SH2B3: variants seen among roughly 807,000 people sequenced by gnomAD.
SH2B3 encodes SH2B adaptor protein 3, also known as SH2B adapter protein 3.
Under a neutral mutation model 51.9 loss-of-function variants are expected in SH2B3, and 43 were observed. The ratio of observed to expected loss-of-function variants is 0.83; its 90% CI spans 0.65 to 1.07. The LOEUF is 1.07. SH2B3 is among the 50% of genes least tolerant of loss of function. The pLI is 0.00. For missense variants in SH2B3, 952 were observed against 834.3 expected (o/e 1.14, Z -1.74); for synonymous variants, 396 against 376.0 (o/e 1.05, Z -0.62).
At chr12:111,424,351 A>G (rs1277008924) in intron 2 of SH2B3, among the ~76,000 whole-genome samples, 1 of 151,656 alleles carries the variant, frequency 6.6e-6, no homozygotes. Flanking sequence ...TGGCGCTGGG[A>G]GCACTCCATG....
intron 2 of SH2B3, among the ~76,000 whole-genome samples, chr12:111,419,740 G>A (rs985430003): frequency 6.6e-6 from 1 of 152,174 alleles, no homozygotes; most frequent in Non-Finnish European, 1.5e-5. Context: ...TTACGCTGCT[G>A]TGTACATTGG....
rs1243797285 is a variant in SH2B3 at position 111,442,253 on chromosome 12, C to T, written c.733-4500C>T. 2.6e-5 allele frequency among the ~76,000 whole-genome samples: 4 copies of T among 152,156 alleles called. No individual in the cohort carries two copies. The East Asian group carries it at 5.8e-4, about 22-fold the overall frequency. ...TCTCCTCCTCCAGTAAGAAGGTCAA[C>T]AGGACCTGCTTACGGGCCCCCTATT... On this transcript the variant is annotated intron_variant, in intron 2 of 7. Transcript: ENST00000341259.
At position 111,448,796 on chromosome 12, in the gene SH2B3, T is replaced by G. The variant is rs922841919; in HGVS notation, c.*494T>G. 6.4e-6 allele frequency: 1 copy of G among 156,780 alleles called. No individual in the cohort carries two copies. Among genetic ancestry groups the G allele is most frequent in the Admixed American group, 6.2e-5 (1 of 16,226 alleles). 9.7% of individuals were successfully genotyped at this position (156,780 alleles called of 1,614,324 possible). A position where few individuals can be genotyped will look rare whatever the true frequency, so the allele number is the denominator to read the frequency against. On this transcript the variant is annotated 3_prime_UTR_variant, in exon 8 of 8. Coordinates refer to ENST00000341259, the MANE Select transcript of SH2B3 (RefSeq NM_005475.3). ...CCACACCACAGATGACCACATCTAA[T>G]CCTGCTTCTACTCTCAGCTTTAGGA... is the stretch of plus-strand genomic sequence containing the variant.
At chr12:111,434,906 G>A in intron 2 of SH2B3, 1 of 1,535,672 alleles carries the variant, frequency 6.5e-7, no homozygotes, top group Non-Finnish European at 8.7e-7. Context: ...AAGGACATGG[G>A]ATTCCCGGTG....
chr12:111,421,401 C>CTTTT (rs550860498), intron 2 of SH2B3, among the ~76,000 whole-genome samples: 12 of 90,616 alleles, frequency 1.3e-4, no homozygotes, highest in African/African-American at 3.7e-4. Flanking sequence ...TAGTGTCTTC[C>CTTTT]TTTTTTTTTT....
Position 111,406,522 on chromosome 12 carries a change from G to C in SH2B3, c.-28+245G>C, listed in dbSNP as rs1407161677. Among the ~76,000 whole-genome samples the C allele has an allele frequency of 6.6e-6, 1 of 152,164 alleles. No homozygotes were observed. The highest frequency in any genetic ancestry group is 2.4e-5 in the African/African-American group (1 of 41,444). Reference sequence around the variant, plus strand: ...AGAGCGTTGGGGTAACTGAGGCCGTGGGATGGGGGAGAGGGCATCGCTGAC... The same window carrying C: ...AGAGCGTTGGGGTAACTGAGGCCGTCGGATGGGGGAGAGGGCATCGCTGAC... On this transcript the variant is annotated intron_variant, in intron 1 of 7. Coordinates refer to ENST00000341259, the MANE Select transcript of SH2B3 (RefSeq NM_005475.3). The surrounding 1 kb of genome is among the most constrained non-coding windows in gnomAD (Gnocchi z 5.7).
At chr12:111,447,904 G>A (rs1874193907) in intron 7 of SH2B3, 77 bp downstream of exon 7, 1 of 1,554,756 alleles carries the variant, frequency 6.4e-7, no homozygotes, top group Non-Finnish European at 8.8e-7. Flanking sequence ...AGACCCAGGG[G>A]TACAGGTATC....
In SH2B3 at chr12:111,438,404, T is replaced by C. The variant is rs1392607443; in HGVS notation, c.733-8349T>C. The stretch of plus-strand genomic sequence containing the variant: ...CTGCCTTTCAGCCTGCCCTCTTCCC[T>C]GGCCAGCTGGAGGGGCCTTGGGAGG... On this transcript the variant is annotated intron_variant, in intron 2 of 7. Transcript: ENST00000341259. The surrounding 1 kb of genome is among the most constrained non-coding windows in gnomAD (Gnocchi z 4.2). Among the ~76,000 whole-genome samples, 1 of 152,040 alleles carries C rather than the reference T, an allele frequency of 6.6e-6. No individual in the cohort carries two copies. The highest frequency in any genetic ancestry group is 1.5e-5 in the Non-Finnish European group (1 of 67,956).
intron 4 of SH2B3, 26 bp downstream of exon 4, chr12:111,447,059 G>C: frequency 1.2e-6 from 2 of 1,610,794 alleles, no homozygotes; most frequent in East Asian, 4.5e-5. Context: ...CTCGTCCCTG[G>C]CACCACCTTT....
At position 111,447,971 on chromosome 12, in the gene SH2B3, C is replaced by A; in HGVS notation, c.1409-12C>A. The A allele has an allele frequency of 6.3e-7, 1 of 1,594,212 alleles. No homozygotes were observed. Among genetic ancestry groups the A allele is most frequent in the South Asian group, 1.1e-5 (1 of 88,330 alleles). ...GACTGATGGTGTGGTCTCTCTTGGT[C>A]ACTTGTCCTAGGTTCCTGCAACACG... On this transcript the variant is annotated splice_polypyrimidine_tract_variant and intron_variant, in intron 7 of 7. Coordinates refer to ENST00000341259, the MANE Select transcript of SH2B3 (RefSeq NM_005475.3).
rs771709844 is a variant in SH2B3, at chr12:111,435,110, C to T, written c.733-11643C>T. 7 of 1,099,676 alleles carry T rather than the reference C, an allele frequency of 6.4e-6. No homozygotes were observed. The highest frequency in any genetic ancestry group is 5.2e-5 in the East Asian group (2 of 38,430). 68.1% of individuals were successfully genotyped at this position (1,099,676 alleles called of 1,614,324 possible). A position where few individuals can be genotyped will look rare whatever the true frequency, so the allele number is the denominator to read the frequency against. On this transcript the variant is annotated intron_variant, in intron 2 of 7. Transcript: ENST00000341259. This position sits in a 1 kb window ranked among gnomAD's most constrained non-coding sequence, Gnocchi z 4.8. ...TCTCCTCTGGTGCACTCTCCCCACCCGAGACGGGCGACAGAGGTTTTTTGT... is the reference window on the plus strand; with the variant it reads ...TCTCCTCTGGTGCACTCTCCCCACCTGAGACGGGCGACAGAGGTTTTTTGT...
chr12:111,438,968 T>TTTTG lies in SH2B3; in HGVS notation c.733-7768_733-7765dup, dbSNP rs531285039. ...ATGAGGACCACAGGGGAGTTTTTGTTTTTGTTTGTTTGTTTGTTTGAGACA... is the reference window on the plus strand; with the variant it reads ...ATGAGGACCACAGGGGAGTTTTTGTTTTTGTTTGTTTGTTTGTTTGTTTGAGACA... On this transcript the variant is annotated intron_variant, in intron 2 of 7. Transcript: ENST00000341259. The surrounding 1 kb of genome is among the most constrained non-coding windows in gnomAD (Gnocchi z 4.2). Among the ~76,000 whole-genome samples, 61 of 152,102 alleles carry TTTTG rather than the reference T, an allele frequency of 4.0e-4. No homozygotes were observed. Among genetic ancestry groups the TTTTG allele is most frequent in the Admixed American group, 2.6e-3 (39 of 15,272 alleles).
At chr12:111,431,545 C>T (rs1872494648) in intron 2 of SH2B3, among the ~76,000 whole-genome samples, 1 of 151,036 alleles carries the variant, frequency 6.6e-6, no homozygotes, top group Non-Finnish European at 1.5e-5. Flanking sequence ...CCAGAGAGAA[C>T]CAGCATTTCC....
At position 111,447,742 on chromosome 12, in the gene SH2B3, C is replaced by T. The variant is rs1158774660; in HGVS notation, c.1323C>T (p.Phe441=). ...FPSVVDMLHH[F]QRSPIPLECG... ...CGGTCGTGGACATGCTCCACCACTT[C>T]CAGCGCTCGCCCATCCCACTCGAGT... Residue 441 remains phenylalanine (F), a synonymous_variant, in exon 7 of 8, where the codon TTC becomes TTT. Coordinates refer to ENST00000341259, the MANE Select transcript of SH2B3 (RefSeq NM_005475.3). The T allele has an allele frequency of 6.2e-7, 1 of 1,614,028 alleles. No individual in the cohort carries two copies. Among genetic ancestry groups the T allele is most frequent in the African/African-American group, 1.3e-5 (1 of 74,938 alleles).
chr12:111,442,782 GCT>G (rs1472194013), intron 2 of SH2B3, among the ~76,000 whole-genome samples: 1 of 152,226 alleles, frequency 6.6e-6, no homozygotes, highest in Non-Finnish European at 1.5e-5. Context: ...GCCTCTTCCT[GCT>G]CTCTCACCAG....
rs1420086510 is a variant in SH2B3, at chr12:111,418,479, G to A, written c.334G>A (p.Ala112Thr). ...ASPEPGPGPA[A>T]PGLPKARSSE... ...CCCGGAGCCAGGCCCCGGCCCCGCCGCCCCTGGCCTGCCCAAGGCCCGCAG... is the reference window on the plus strand; with the variant it reads ...CCCGGAGCCAGGCCCCGGCCCCGCCACCCCTGGCCTGCCCAAGGCCCGCAG... The change falls in exon 2 of 8, where the codon GCC becomes ACC. Residue 112 changes from alanine (A) to threonine (T), a missense_variant. Coordinates refer to ENST00000341259, the MANE Select transcript of SH2B3 (RefSeq NM_005475.3). This position sits in a 1 kb window ranked among gnomAD's most constrained non-coding sequence, Gnocchi z 6.7. 14 of 1,352,838 alleles carry A rather than the reference G, an allele frequency of 1.0e-5. No homozygotes were observed. In the Admixed American group the frequency reaches 4.3e-4, roughly 42 times the overall value. 83.8% of individuals were successfully genotyped at this position (1,352,838 alleles called of 1,614,324 possible).
At chr12:111,440,748 G>T (rs913961817) in intron 2 of SH2B3, among the ~76,000 whole-genome samples, 1 of 152,214 alleles carries the variant, frequency 6.6e-6, no homozygotes, top group Non-Finnish European at 1.5e-5. Flanking sequence ...GGCCAAGACC[G>T]AAAGATGGAA....
At chr12:111,434,902 A>G in intron 2 of SH2B3, 2 of 1,535,674 alleles carry the variant, frequency 1.3e-6, no homozygotes, top group South Asian at 1.2e-5. Context: ...TCAGAAGGAC[A>G]TGGGATTCCC....
At chr12:111,412,485 G>C (rs1048208619) in intron 1 of SH2B3, among the ~76,000 whole-genome samples, 1 of 152,216 alleles carries the variant, frequency 6.6e-6, no homozygotes, top group Non-Finnish European at 1.5e-5. Context: ...GCCTGACTCC[G>C]AGGCTGGAGC....
Sources: allele counts gnomAD v4.1 joint callset (sites outside exome capture counted in the v4.1 genomes callset), GRCh38; gene constraint gnomAD v4.1.1; non-coding constraint Gnocchi (gnomAD v3.1); transcripts MANE v1.5; gene names NCBI Gene and HGNC (gene_info 2026-07-23, HGNC 2026-07-21).